MALRD1: variants seen among roughly 807,000 people sequenced by gnomAD.
MALRD1 encodes MAM and LDL-receptor class A domain-containing protein 1.
MALRD1 carries 247 observed loss-of-function variants against 242.1 expected under a neutral mutation model. That is an observed-to-expected ratio of 1.02 (90% confidence interval 0.92 to 1.13). The LOEUF is 1.13. MALRD1 is among the 50% of genes most tolerant of loss of function. MALRD1 has a pLI of 0.00. For missense variants in MALRD1, 2,989 were observed against 2,533.1 expected (o/e 1.18, Z -3.86); for synonymous variants, 995 against 866.6 (o/e 1.15, Z -2.60).
intron 31 of MALRD1, among the ~76,000 whole-genome samples, chr10:19,517,015 T>G (rs926386361): frequency 6.6e-6 from 1 of 152,212 alleles, no homozygotes; most frequent in Non-Finnish European, 1.5e-5. Context: ...AGGCTTTTCA[T>G]GTCATCAGGG....
At position 19,133,894 on chromosome 10, in the gene MALRD1, C is replaced by T. The variant is rs1382977957; in HGVS notation, c.1149C>T (p.His383=). 1.6e-6 allele frequency: 2 copies of T among 1,230,758 alleles called. No individual in the cohort carries two copies. Among genetic ancestry groups the T allele is most frequent in the Admixed American group, 4.2e-5 (1 of 23,658 alleles). 76.2% of individuals were successfully genotyped at this position (1,230,758 alleles called of 1,614,324 possible). A position where few individuals can be genotyped will look rare whatever the true frequency, so the allele number is the denominator to read the frequency against. Residue 383 remains histidine (H), a synonymous_variant, in exon 9 of 40, where the codon CAC becomes CAT. Coordinates refer to ENST00000454679, the MANE Select transcript of MALRD1 (RefSeq NM_001142308.3). ...EIFWTYNIST[H]SQWVKADVLI... The stretch of plus-strand genomic sequence containing the variant: ...TTTGGACATACAACATATCAACTCA[C>T]AGCCAATGGGTGAAAGCAGATGTGT...
At chr10:19,176,870 ATG>A (rs139103707) in intron 14 of MALRD1, among the ~76,000 whole-genome samples, 19,764 of 148,906 alleles carry the variant, frequency 0.13, 1,308 homozygotes, top group East Asian at 0.18. Flanking sequence ...GCATGTGTGC[ATG>A]TGTGTGTGTG....
intron 33 of MALRD1, among the ~76,000 whole-genome samples, chr10:19,589,713 C>T (rs1187945605): frequency 6.6e-6 from 1 of 152,056 alleles, no homozygotes; most frequent in Non-Finnish European, 1.5e-5. Flanking sequence ...TTTTTATTTT[C>T]TCATCTCTTT....
At chr10:19,111,434 C>T (rs1836677139) in intron 5 of MALRD1, among the ~76,000 whole-genome samples, 1 of 152,146 alleles carries the variant, frequency 6.6e-6, no homozygotes, top group Non-Finnish European at 1.5e-5. Flanking sequence ...CTGAGCCTTT[C>T]ACGTGAATAT....
chr10:19,596,705 C>T (rs538606488), intron 34 of MALRD1, among the ~76,000 whole-genome samples: 1 of 151,410 alleles, frequency 6.6e-6, no homozygotes, highest in South Asian at 2.1e-4. Flanking sequence ...TACCACTGCA[C>T]CCCAGCCTGG....
At chr10:19,061,203 G>C (rs1218390980) in intron 1 of MALRD1, among the ~76,000 whole-genome samples, 1 of 152,104 alleles carries the variant, frequency 6.6e-6, no homozygotes, top group Non-Finnish European at 1.5e-5. Context: ...GGGATGATCT[G>C]TGCAGCAAAC....
At chr10:19,308,777 G>A (rs1035974465) in intron 21 of MALRD1, among the ~76,000 whole-genome samples, 4 of 151,506 alleles carry the variant, frequency 2.6e-5, no homozygotes, top group East Asian at 2.0e-4. Flanking sequence ...CAGGCCCTCC[G>A]AGCTTTAGTC....
At chr10:19,703,401 G>C (rs896185868) in intron 38 of MALRD1, among the ~76,000 whole-genome samples, 1 of 152,156 alleles carries the variant, frequency 6.6e-6, no homozygotes, top group Non-Finnish European at 1.5e-5. Context: ...AGGCACTCTC[G>C]TGGCAGGGAT....
intron 29 of MALRD1, chr10:19,488,830 AAAG>A (rs1564384205): frequency 2.9e-6 from 1 of 346,184 alleles, no homozygotes; most frequent in South Asian, 2.2e-5. Flanking sequence ...GTGGCCATGC[AAAG>A]AAGTCAAATG....
intron 36 of MALRD1, among the ~76,000 whole-genome samples, chr10:19,660,360 A>C (rs544121113): frequency 9.4e-4 from 143 of 152,312 alleles, no homozygotes; most frequent in African/African-American, 3.4e-3. Context: ...ACCAAAAACC[A>C]AACCTATTCA....
intron 21 of MALRD1, among the ~76,000 whole-genome samples, chr10:19,290,777 T>C (rs1841380107): frequency 2.6e-5 from 4 of 152,184 alleles, no homozygotes; most frequent in Admixed American, 1.3e-4. Flanking sequence ...TGAATCAAGA[T>C]ACTTGGATCA....
intron 21 of MALRD1, among the ~76,000 whole-genome samples, chr10:19,308,931 AATATT>A (rs1166513749): frequency 1.3e-5 from 2 of 151,606 alleles, no homozygotes; most frequent in African/African-American, 2.4e-5. Flanking sequence ...ATGAGAGACT[AATATT>A]ATATTGAGTA....
intron 2 of MALRD1, among the ~76,000 whole-genome samples, chr10:19,069,290 C>CAT (rs1835070021): frequency 6.6e-6 from 1 of 151,934 alleles, no homozygotes; most frequent in South Asian, 2.1e-4. Context: ...ATCTAAAATT[C>CAT]ATATATTATG....
At position 19,326,037 on chromosome 10, in the gene MALRD1, G is replaced by GA. The variant is rs891719634; in HGVS notation, c.3577-1524dup. 8.9e-4 allele frequency among the ~76,000 whole-genome samples: 92 copies of GA among 103,206 alleles called. No homozygotes were observed. In the East Asian group the frequency reaches 0.023, roughly 26 times the overall value. The allele number at this position is 103,206 out of a possible 152,430, so 67.7% of individuals were successfully genotyped here. On this transcript the variant is annotated intron_variant, in intron 22 of 39. Coordinates refer to ENST00000454679, the MANE Select transcript of MALRD1 (RefSeq NM_001142308.3). The stretch of plus-strand genomic sequence containing the variant: ...CATATTAAATTTCATATCAATTTTA[G>GA]AATTTTTTTTATAATGTGAGACTTC...
chr10:19,423,423 G>T (rs2130922015), intron 28 of MALRD1, among the ~76,000 whole-genome samples: 1 of 151,838 alleles, frequency 6.6e-6, no homozygotes, highest in Admixed American at 6.6e-5. Context: ...TTAAATGATA[G>T]GTAGATTAAT....
chr10:19,678,095 G>C (rs1842210199), intron 36 of MALRD1, among the ~76,000 whole-genome samples: 1 of 152,166 alleles, frequency 6.6e-6, no homozygotes, highest in South Asian at 2.1e-4. Context: ...TTTGAAGCCA[G>C]GTAGCATGAT....
intron 21 of MALRD1, among the ~76,000 whole-genome samples, chr10:19,321,336 A>T (rs551498065): frequency 6.6e-6 from 1 of 152,172 alleles, no homozygotes; most frequent in Non-Finnish European, 1.5e-5. Context: ...TAATTCACAC[A>T]TGCAGTGTTG....
rs117156118 is a variant in MALRD1, at chr10:19,419,560, T to A, written c.4845+29951T>A. 3.3e-3 allele frequency among the ~76,000 whole-genome samples: 508 copies of A among 152,288 alleles called. 6 individuals carry two copies. The highest frequency in any genetic ancestry group is 0.018 in the South Asian group (85 of 4,822). On this transcript the variant is annotated intron_variant, in intron 28 of 39. Coordinates refer to ENST00000454679, the MANE Select transcript of MALRD1 (RefSeq NM_001142308.3). ...GTCTCAAACTCCTGGCCTCAGGTAG[T>A]CTGCTGGCCTCTGCCTCCCAAAGTG...
In MALRD1 at chr10:19,310,435, G is replaced by A. The variant is rs546824403; in HGVS notation, c.3420-13514G>A. Among the ~76,000 whole-genome samples the A allele has an allele frequency of 7.3e-5, 11 of 151,664 alleles. No individual in the cohort carries two copies. In the South Asian group the frequency reaches 2.3e-3, roughly 31 times the overall value. ...TACAGTATGATGATTAATTGGAAAT[G>A]CATGTTGAAAAACAAAAAGCAGCTA... is the stretch of plus-strand genomic sequence containing the variant. On this transcript the variant is annotated intron_variant, in intron 21 of 39. Coordinates refer to ENST00000454679, the MANE Select transcript of MALRD1 (RefSeq NM_001142308.3).
Sources: gnomAD v4.1 joint callset for allele counts (sites outside exome capture counted in the v4.1 genomes callset) on GRCh38, gnomAD v4.1.1 for gene constraint, MANE v1.5 for transcripts, NCBI Gene and HGNC (gene_info 2026-07-23, HGNC 2026-07-21) for gene names.